Variants in PAIP2B observed in about 807,000 individuals in gnomAD.
PAIP2B encodes poly(A) binding protein interacting protein 2B.
Under a neutral mutation model 17.0 loss-of-function variants are expected in PAIP2B, and 13 were observed. The observed-to-expected ratio is 0.76, with a 90% CI of 0.50 to 1.22. The LOEUF (loss-of-function observed/expected upper bound fraction) is 1.22, where lower values mean the gene tolerates loss of function less well. Among genes scored for constraint, PAIP2B ranks in the 50% most tolerant of loss-of-function variants. The pLI, the probability that PAIP2B is intolerant of heterozygous loss-of-function variation, is 0.00. For synonymous variants in PAIP2B, 43 were observed against 48.7 expected (o/e 0.88, Z 0.48); for missense variants, 117 against 144.5 (o/e 0.81, Z 0.98).
At chr2:71,200,998 TGTGTGTGTGG>T (rs1330823548) in intron 2 of PAIP2B, among the ~76,000 whole-genome samples, 78 of 31,790 alleles carry the variant, frequency 2.5e-3, no homozygotes, top group South Asian at 0.016. Flanking sequence ...TCAATCTCTT[TGTGTGTGTGG>T]GTGTGTGTGT....
rs1674467252 is a variant in PAIP2B at position 71,184,022 on chromosome 2, A to G, written c.*4457T>C. ...AGGCTCATAATCAACAGGACAGAAT[A>G]ACTACTTAGTGATGATTTACAGAGT... On this transcript the variant is annotated 3_prime_UTR_variant, in exon 4 of 4. Coordinates refer to ENST00000244221, the MANE Select transcript of PAIP2B (RefSeq NM_020459.1). 6.6e-6 allele frequency: 1 copy of G among 152,246 alleles called. No individual in the cohort carries two copies. The highest frequency in any genetic ancestry group is 1.5e-5 in the Non-Finnish European group (1 of 68,034). The allele number at this position is 152,246 out of a possible 1,614,324, so 9.4% of individuals were successfully genotyped here.
chr2:71,189,776 G>A (rs1160239469), intron 3 of PAIP2B, 69 bp downstream of exon 3: 1 of 1,415,988 alleles, frequency 7.1e-7, no homozygotes, highest in Non-Finnish European at 9.4e-7. Context: ...GGGCTGGAAA[G>A]AAAGTCTGTC....
In PAIP2B at chr2:71,187,875, A is replaced by G. The variant is rs2103743662; in HGVS notation, c.*604T>C. The G allele has an allele frequency of 6.5e-6, 1 of 153,362 alleles. No homozygotes were observed. Among genetic ancestry groups the G allele is most frequent in the East Asian group, 1.9e-4 (1 of 5,200 alleles). The allele number at this position is 153,362 out of a possible 1,614,324, so 9.5% of individuals were successfully genotyped here. On this transcript the variant is annotated 3_prime_UTR_variant, in exon 4 of 4. Coordinates refer to ENST00000244221, the MANE Select transcript of PAIP2B (RefSeq NM_020459.1). The stretch of plus-strand genomic sequence containing the variant: ...CAACTTTCAACAATCATCAAAAGTT[A>G]CTGTAAACTAAGTACTTTAAGTCTG...
At chr2:71,202,391 ATAT>A in intron 2 of PAIP2B, 58 bp downstream of exon 2, 1 of 1,572,818 alleles carries the variant, frequency 6.4e-7, no homozygotes, top group South Asian at 1.2e-5. Flanking sequence ...TGGCAGTAAA[ATAT>A]TATAGCTGTT....
intron 1 of PAIP2B, among the ~76,000 whole-genome samples, chr2:71,222,635 A>G (rs916249408): frequency 2.6e-5 from 4 of 152,164 alleles, no homozygotes; most frequent in African/African-American, 9.7e-5. Flanking sequence ...AGCCCTCATC[A>G]CCAAAGCTGA....
intron 1 of PAIP2B, among the ~76,000 whole-genome samples, chr2:71,218,714 AT>A (rs1164818874): frequency 2.0e-5 from 3 of 152,142 alleles, no homozygotes; most frequent in African/African-American, 7.2e-5. Context: ...TGGAGTGGCA[AT>A]GATTCACTTA....
Position 71,188,378 on chromosome 2 carries a change from G to A in PAIP2B, c.*101C>T. ...AGACCACCACTCCCCTTCCCGCTGT[G>A]CACCCCTCGCCCGCCCCATCCCCCT... On this transcript the variant is annotated 3_prime_UTR_variant, in exon 4 of 4. Coordinates refer to ENST00000244221, the MANE Select transcript of PAIP2B (RefSeq NM_020459.1). The A allele has an allele frequency of 1.1e-6, 1 of 918,108 alleles. No individual in the cohort carries two copies. The allele number at this position is 918,108 out of a possible 1,614,324, so 56.9% of individuals were successfully genotyped here.
At chr2:71,204,621 G>A (rs1380916215) in intron 1 of PAIP2B, among the ~76,000 whole-genome samples, 1 of 152,054 alleles carries the variant, frequency 6.6e-6, no homozygotes, top group South Asian at 2.1e-4. Context: ...AAATATATCT[G>A]CTTAACATAT....
At chr2:71,191,769 C>G (rs191568425) in intron 2 of PAIP2B, among the ~76,000 whole-genome samples, 5,349 of 152,288 alleles carry the variant, frequency 0.035, 102 homozygotes, top group African/African-American at 0.043. Context: ...CTCAGCCACG[C>G]AGCTGATATA....
At chr2:71,215,401 C>T (rs1675403033) in intron 1 of PAIP2B, among the ~76,000 whole-genome samples, 1 of 152,168 alleles carries the variant, frequency 6.6e-6, no homozygotes, top group Admixed American at 6.5e-5. Context: ...AAATCTGTGT[C>T]GTTTTCTAGA....
At chr2:71,200,544 G>A (rs973514800) in intron 2 of PAIP2B, among the ~76,000 whole-genome samples, 14 of 152,170 alleles carry the variant, frequency 9.2e-5, no homozygotes, top group African/African-American at 3.1e-4. Flanking sequence ...TTGAGGCCAG[G>A]AGTTTAAGAC....
intron 1 of PAIP2B, among the ~76,000 whole-genome samples, chr2:71,208,821 G>T (rs936508054): frequency 6.6e-6 from 1 of 152,122 alleles, no homozygotes; most frequent in African/African-American, 2.4e-5. Context: ...GATTGGAGTG[G>T]TGTGGCCACA....
chr2:71,225,276 T>A (rs928647124), intron 1 of PAIP2B, among the ~76,000 whole-genome samples: 1 of 152,204 alleles, frequency 6.6e-6, no homozygotes, highest in Non-Finnish European at 1.5e-5. Flanking sequence ...TAATTCACTA[T>A]AATAGACTTT....
chr2:71,207,564 C>CA (rs1461457469), intron 1 of PAIP2B, among the ~76,000 whole-genome samples: 1 of 151,978 alleles, frequency 6.6e-6, no homozygotes, highest in African/African-American at 2.4e-5. Context: ...CTCAGGCTGC[C>CA]ATGTGGAAAA....
rs905163620 is a variant in PAIP2B at position 71,186,097 on chromosome 2, C to T, written c.*2382G>A. The stretch of plus-strand genomic sequence containing the variant: ...CCATTAAAGGGTAAAGGTGTCCAGT[C>T]TGGCTTGCTGGTTCTTCTTCTGTGA... On this transcript the variant is annotated 3_prime_UTR_variant, in exon 4 of 4. Coordinates refer to ENST00000244221, the MANE Select transcript of PAIP2B (RefSeq NM_020459.1). 1.1e-4 allele frequency: 17 copies of T among 152,236 alleles called. No individual in the cohort carries two copies. Among genetic ancestry groups the T allele is most frequent in the Admixed American group, 1.0e-3 (16 of 15,294 alleles). 9.4% of individuals were successfully genotyped at this position (152,236 alleles called of 1,614,324 possible).
chr2:71,184,108 T>A lies in PAIP2B; in HGVS notation c.*4371A>T, dbSNP rs1230879586. On this transcript the variant is annotated 3_prime_UTR_variant, in exon 4 of 4. Transcript: ENST00000244221. ...GTAACTGTACACTAGTACAATGTTT[T>A]TAAGATTTTATCTCATTTTTGTCAT... The A allele has an allele frequency of 6.6e-6, 1 of 152,242 alleles. No individual in the cohort carries two copies. The highest frequency in any genetic ancestry group is 2.4e-5 in the African/African-American group (1 of 41,462). The allele number at this position is 152,242 out of a possible 1,614,324, so 9.4% of individuals were successfully genotyped here. A position where few individuals can be genotyped will look rare whatever the true frequency, so the allele number is the denominator to read the frequency against.
At chr2:71,188,717 TC>T (rs1286627074) in intron 3 of PAIP2B, among the ~76,000 whole-genome samples, 182 bp from the exon 4 acceptor site, 1 of 152,070 alleles carries the variant, frequency 6.6e-6, no homozygotes, top group East Asian at 1.9e-4. Flanking sequence ...AAGCTCATCT[TC>T]TCCTTCCTTC....
At chr2:71,195,162 G>A (rs1032608433) in intron 2 of PAIP2B, among the ~76,000 whole-genome samples, 2 of 152,180 alleles carry the variant, frequency 1.3e-5, no homozygotes, top group Non-Finnish European at 2.9e-5. Flanking sequence ...TGTTCATCAA[G>A]GATATTTCCC....
rs1402171344 is a variant in PAIP2B, at chr2:71,183,705, TGA to T, written c.*4772_*4773del. The T allele has an allele frequency of 6.6e-6, 1 of 152,234 alleles. No individual in the cohort carries two copies. Among genetic ancestry groups the T allele is most frequent in the African/African-American group, 2.4e-5 (1 of 41,452 alleles). 9.4% of individuals were successfully genotyped at this position (152,234 alleles called of 1,614,324 possible). A position where few individuals can be genotyped will look rare whatever the true frequency, so the allele number is the denominator to read the frequency against. ...GGGACCACATATTGTATGATTCCAT[TGA>T]TTTGAACTGTCCAGAAAGGGCAAAT... is the stretch of plus-strand genomic sequence containing the variant. On this transcript the variant is annotated 3_prime_UTR_variant, in exon 4 of 4. Coordinates refer to ENST00000244221, the MANE Select transcript of PAIP2B (RefSeq NM_020459.1).
Sources: allele counts gnomAD v4.1 joint callset (sites outside exome capture counted in the v4.1 genomes callset), GRCh38; gene constraint gnomAD v4.1.1; transcripts MANE v1.5; gene names NCBI Gene and HGNC (gene_info 2026-07-23, HGNC 2026-07-21).